The following POT1 variants were observed in gnomAD, a reference collection of about 807,000 sequenced individuals.
POT1 encodes the protein protection of telomeres 1.
POT1 carries 47 observed loss-of-function variants against 78.5 expected under a neutral mutation model. The ratio of observed to expected loss-of-function variants is 0.60; its 90% CI spans 0.47 to 0.76. The LOEUF is 0.76. Ranked by LOEUF, POT1 falls within the 30% of genes least tolerant of loss-of-function variation. The pLI is 0.00. For missense variants in POT1, 646 were observed against 749.9 expected (o/e 0.86, Z 1.62); for synonymous variants, 259 against 260.7 (o/e 0.99, Z 0.06).
chr7:124,883,670 A>G (rs1004049662), intron 6 of POT1, among the ~76,000 whole-genome samples: 2 of 152,088 alleles, frequency 1.3e-5, no homozygotes, highest in Non-Finnish European at 2.9e-5. Flanking sequence ...AAGTGGGAGA[A>G]GCATGAACCA....
At chr7:124,840,224 C>T (rs979693193) in intron 14 of POT1, among the ~76,000 whole-genome samples, 5 of 151,860 alleles carry the variant, frequency 3.3e-5, no homozygotes, top group African/African-American at 9.7e-5. Flanking sequence ...TTAAATATTA[C>T]TCTAAGGCAA....
chr7:124,840,509 A>T (rs1795000672), intron 14 of POT1: 1 of 152,092 alleles, frequency 6.6e-6, no homozygotes, highest in Non-Finnish European at 1.5e-5. Context: ...TGAAAAACCA[A>T]ACATGATAAA....
chr7:124,833,570 C>A (rs1368618656), intron 15 of POT1, among the ~76,000 whole-genome samples: 1 of 152,186 alleles, frequency 6.6e-6, no homozygotes, highest in African/African-American at 2.4e-5. Context: ...CTAATGAATT[C>A]TTTTATATTC....
chr7:124,864,813 G>T (rs1318763053), intron 7 of POT1, among the ~76,000 whole-genome samples: 1 of 151,936 alleles, frequency 6.6e-6, no homozygotes, highest in East Asian at 1.9e-4. Context: ...AATATTATTG[G>T]TTTTGCTTTA....
chr7:124,834,649 G>A (rs1794847996), intron 15 of POT1, among the ~76,000 whole-genome samples: 1 of 151,656 alleles, frequency 6.6e-6, no homozygotes. Context: ...GTTGGTGGGA[G>A]TGTAAATTAG....
At chr7:124,836,935 T>A (rs949600896) in intron 14 of POT1, among the ~76,000 whole-genome samples, 1 of 152,122 alleles carries the variant, frequency 6.6e-6, no homozygotes, top group Admixed American at 6.5e-5. Context: ...AGGCATTCAA[T>A]AAACATGTGC....
chr7:124,915,050 C>T (rs1477966671), intron 3 of POT1, among the ~76,000 whole-genome samples: 2 of 152,112 alleles, frequency 1.3e-5, no homozygotes, highest in Non-Finnish European at 2.9e-5. Context: ...TTTCCTCATT[C>T]CCCTAAAATG....
chr7:124,858,993 G>GT lies in POT1; in HGVS notation c.665_666insA (p.Tyr223LeufsTer3). 6.2e-7 allele frequency: 1 copy of GT among 1,611,212 alleles called. No homozygotes were observed. Among genetic ancestry groups the GT allele is most frequent in the Non-Finnish European group, 8.5e-7 (1 of 1,177,942 alleles). ...TTGCCACATGAACATGGTTATCGTA[G>GT]ACTAAAATGTCTATTGTCAGATTTT... On this transcript the variant is annotated frameshift_variant, in exon 9 of 19. Coordinates refer to ENST00000357628, the MANE Select transcript of POT1 (RefSeq NM_015450.3). LOFTEE classifies it high-confidence loss of function.
rs2116398987 is a variant in POT1 at position 124,822,627 on chromosome 7, T to G, written c.*1335A>C. On this transcript the variant is annotated 3_prime_UTR_variant, in exon 19 of 19. Transcript: ENST00000357628. ...CAACACGGAAACACACCTGTTCAAC[T>G]GTAGGGTTTTAAAATATTTTTCCTG... The G allele has an allele frequency of 2.4e-6, 1 of 416,300 alleles. No homozygotes were observed. Among genetic ancestry groups the G allele is most frequent in the East Asian group, 7.2e-5 (1 of 13,884 alleles). 25.8% of individuals were successfully genotyped at this position (416,300 alleles called of 1,614,324 possible). A position where few individuals can be genotyped will look rare whatever the true frequency, so the allele number is the denominator to read the frequency against.
chr7:124,873,690 G>A (rs1319544771), intron 6 of POT1, among the ~76,000 whole-genome samples: 1 of 152,104 alleles, frequency 6.6e-6, no homozygotes, highest in Non-Finnish European at 1.5e-5. Flanking sequence ...TCCATTGAAT[G>A]TTTGATACAA....
chr7:124,890,769 C>T (rs60046069), intron 6 of POT1, among the ~76,000 whole-genome samples: 6,524 of 151,906 alleles, frequency 0.043, 353 homozygotes, highest in African/African-American at 0.12. Flanking sequence ...CTATAAAAAA[C>T]AGCATGGAGT....
At chr7:124,832,821 CAA>C (rs36025106) in intron 15 of POT1, among the ~76,000 whole-genome samples, 206 of 114,140 alleles carry the variant, frequency 1.8e-3, no homozygotes, top group Middle Eastern at 5.2e-3. Flanking sequence ...GACTTCATCT[CAA>C]AAAAAAAAAA....
At chr7:124,839,920 CATT>C (rs1439960994) in intron 14 of POT1, among the ~76,000 whole-genome samples, 8 of 151,900 alleles carry the variant, frequency 5.3e-5, no homozygotes, top group African/African-American at 1.7e-4. Context: ...ACTAACAAAC[CATT>C]ATCACTCAAA....
intron 11 of POT1, among the ~76,000 whole-genome samples, chr7:124,847,331 C>T (rs1375384136): frequency 6.6e-6 from 1 of 152,170 alleles, no homozygotes; most frequent in Non-Finnish European, 1.5e-5. Flanking sequence ...CCCATCTCTA[C>T]TACAAATACA....
At chr7:124,874,977 A>G (rs999463826) in intron 6 of POT1, among the ~76,000 whole-genome samples, 1 of 152,106 alleles carries the variant, frequency 6.6e-6, no homozygotes, top group Admixed American at 6.5e-5. Context: ...AAAACCTTTA[A>G]TAAGCACTTT....
chr7:124,874,003 C>T (rs1387405452), intron 6 of POT1, among the ~76,000 whole-genome samples: 1 of 152,144 alleles, frequency 6.6e-6, no homozygotes, highest in African/African-American at 2.4e-5. Flanking sequence ...TAGAAGTTTA[C>T]ACACAGAACA....
intron 3 of POT1, among the ~76,000 whole-genome samples, chr7:124,903,342 T>C (rs911441218): frequency 5.3e-5 from 8 of 152,160 alleles, no homozygotes; most frequent in Non-Finnish European, 8.8e-5. Context: ...CACAGTGTAA[T>C]CAAATTAGAA....
intron 13 of POT1, among the ~76,000 whole-genome samples, chr7:124,842,111 T>C (rs1222283707): frequency 6.6e-6 from 1 of 152,040 alleles, no homozygotes; most frequent in Non-Finnish European, 1.5e-5. Flanking sequence ...CACATTTTAG[T>C]GAAGACTCAA....
chr7:124,850,644 T>C (rs1441338254), intron 11 of POT1, among the ~76,000 whole-genome samples: 1 of 151,726 alleles, frequency 6.6e-6, no homozygotes, highest in Non-Finnish European at 1.5e-5. Context: ...GGCAGGAGAA[T>C]GCCCTGAACC....
Sources: gnomAD v4.1 joint callset for allele counts (sites outside exome capture counted in the v4.1 genomes callset) on GRCh38, gnomAD v4.1.1 for gene constraint, MANE v1.5 for transcripts, NCBI Gene and HGNC (gene_info 2026-07-23, HGNC 2026-07-21) for gene names.